Variants in BCAR3 observed in about 807,000 individuals in gnomAD.
The protein encoded by BCAR3 is BCAR3 adaptor protein, NSP family member.
BCAR3 carries 37 observed loss-of-function variants against 80.1 expected under a neutral mutation model. The observed-to-expected ratio is 0.46, with a 90% CI of 0.36 to 0.61. The LOEUF is 0.61. Among genes scored for constraint, BCAR3 ranks in the 20% least tolerant of loss-of-function variants. The probability of loss-of-function intolerance (pLI) is 0.00; values close to 1 mark genes in which losing one functional copy is unlikely to be tolerated. For synonymous variants in BCAR3, 389 were observed against 418.9 expected (o/e 0.93, Z 0.87); for missense variants, 978 against 1,068.2 (o/e 0.92, Z 1.18).
At chr1:93,821,970 T>C (rs1457154539) in intron 2 of BCAR3, among the ~76,000 whole-genome samples, 2 of 152,172 alleles carry the variant, frequency 1.3e-5, no homozygotes, top group African/African-American at 4.8e-5. Flanking sequence ...ACTGAGTCAC[T>C]TGCAAAGGAG....
intron 2 of BCAR3, among the ~76,000 whole-genome samples, chr1:93,645,662 A>G (rs999534267): frequency 1.3e-5 from 2 of 149,298 alleles, no homozygotes; most frequent in African/African-American, 5.0e-5. Context: ...GTGTGTATAT[A>G]TATGTATCCA....
At chr1:93,638,666 C>T (rs1035565404) in intron 3 of BCAR3, among the ~76,000 whole-genome samples, 8 of 152,184 alleles carry the variant, frequency 5.3e-5, no homozygotes, top group Non-Finnish European at 8.8e-5. Context: ...ACCGAAGTCA[C>T]TAGCTACATG....
chr1:93,832,452 C>A (rs544346291), intron 2 of BCAR3, among the ~76,000 whole-genome samples: 69 of 152,312 alleles, frequency 4.5e-4, no homozygotes, highest in South Asian at 6.2e-4. Context: ...CTGGCAGCCA[C>A]TCCTAGAGCT....
intron 11 of BCAR3, among the ~76,000 whole-genome samples, chr1:93,562,709 T>G (rs1000362904): frequency 7.0e-6 from 1 of 142,974 alleles, no homozygotes; most frequent in Non-Finnish European, 1.5e-5. Flanking sequence ...AGGTGGAGCT[T>G]GCAGTGAGCG....
In BCAR3 at chr1:93,799,879, A is replaced by G. The variant is rs377671772; in HGVS notation, c.-63+45688T>C. Among the ~76,000 whole-genome samples, 40 of 152,366 alleles carry G rather than the reference A, an allele frequency of 2.6e-4. 3 individuals are homozygous for G. Among genetic ancestry groups the G allele is most frequent in the Admixed American group, 1.2e-3 (19 of 15,306 alleles). ...GACTGTCAGGACCTACTGGTATGCT[A>G]ATAAACAAAAAGCACTGCATAAATC... On this transcript the variant is annotated intron_variant, in intron 2 of 13. Transcript: ENST00000370244.
chr1:93,575,105 C>T (rs562839240), intron 8 of BCAR3, among the ~76,000 whole-genome samples: 1 of 152,092 alleles, frequency 6.6e-6, no homozygotes, highest in East Asian at 1.9e-4. Context: ...ATCCTTCAAT[C>T]ACATCAGTCA....
At chr1:93,758,772 C>A (rs1651831646) in intron 2 of BCAR3, among the ~76,000 whole-genome samples, 2 of 152,142 alleles carry the variant, frequency 1.3e-5, no homozygotes, top group Non-Finnish European at 1.5e-5. Flanking sequence ...TGTGTTCACC[C>A]CCTGGGTATC....
intron 8 of BCAR3, 102 bp from the exon 9 acceptor site, chr1:93,571,943 C>A: frequency 7.4e-7 from 1 of 1,344,268 alleles, no homozygotes; most frequent in Non-Finnish European, 1.0e-6. Flanking sequence ...CCATTTGCTC[C>A]TTTTGCTCTA....
At chr1:93,831,498 C>T (rs1237138037) in intron 2 of BCAR3, among the ~76,000 whole-genome samples, 3 of 152,108 alleles carry the variant, frequency 2.0e-5, no homozygotes, top group Non-Finnish European at 4.4e-5. Flanking sequence ...TAATTTTTGT[C>T]GAAAAATGGG....
intron 3 of BCAR3, among the ~76,000 whole-genome samples, chr1:93,615,500 G>A (rs538201539): frequency 1.4e-4 from 21 of 152,290 alleles, no homozygotes; most frequent in African/African-American, 5.1e-4. Context: ...CTCTGACTCT[G>A]GAGGTCTGGT....
intron 2 of BCAR3, among the ~76,000 whole-genome samples, chr1:93,844,046 C>T (rs781589657): frequency 2.0e-5 from 3 of 152,166 alleles, no homozygotes; most frequent in Non-Finnish European, 2.9e-5. Flanking sequence ...TGGCCAGGCA[C>T]GGTAGCTCAC....
At chr1:93,836,275 C>A (rs927004625) in intron 2 of BCAR3, among the ~76,000 whole-genome samples, 1 of 152,142 alleles carries the variant, frequency 6.6e-6, no homozygotes, top group Admixed American at 6.5e-5. Flanking sequence ...TTGGATAGAG[C>A]CTAAAAACTT....
chr1:93,623,662 T>C (rs1032522980), intron 3 of BCAR3, among the ~76,000 whole-genome samples: 2 of 152,140 alleles, frequency 1.3e-5, no homozygotes, highest in African/African-American at 4.8e-5. Context: ...TTCCCAGAAG[T>C]AGTCATCAAC....
At chr1:93,796,456 G>A (rs975178453) in intron 2 of BCAR3, among the ~76,000 whole-genome samples, 6 of 148,472 alleles carry the variant, frequency 4.0e-5, no homozygotes, top group Non-Finnish European at 8.8e-5. Flanking sequence ...GACTCGGAAA[G>A]GGAACTCCCT....
rs147932660 is a variant in BCAR3, at chr1:93,592,278, C to T, written c.473G>A (p.Arg158His). The T allele has an allele frequency of 8.6e-5, 139 of 1,613,238 alleles. No homozygotes were observed. The African/African-American group carries it at 1.4e-3, about 16-fold the overall frequency. The change falls in exon 4 of 12, where the codon CGC (arginine) becomes CAC (histidine). Residue 158 changes from arginine to histidine, a missense_variant. Transcript: ENST00000260502. This position sits in a 1 kb window ranked among gnomAD's most constrained non-coding sequence, Gnocchi z 4.8. ...DLRSHAWYHG[R>H]IPRQVSENLV... ...AAGACCAGGTACCTGTCGGGGGATG[C>T]GGCCGTGGTACCAGGCATGGCTGCG... is the stretch of plus-strand genomic sequence containing the variant.
At chr1:93,744,820 A>C (rs1317545093) in intron 2 of BCAR3, among the ~76,000 whole-genome samples, 1 of 152,212 alleles carries the variant, frequency 6.6e-6, no homozygotes, top group Non-Finnish European at 1.5e-5. Flanking sequence ...CCCACGAGGA[A>C]ATCCCCTTAG....
chr1:93,765,181 G>C (rs1267389389), intron 2 of BCAR3, among the ~76,000 whole-genome samples: 1 of 152,166 alleles, frequency 6.6e-6, no homozygotes, highest in African/African-American at 2.4e-5. Context: ...AAAAGTACTT[G>C]CTTTCCCTTT....
intron 2 of BCAR3, among the ~76,000 whole-genome samples, chr1:93,733,420 C>A (rs1650862628): frequency 2.0e-5 from 3 of 152,072 alleles, no homozygotes; most frequent in African/African-American, 7.2e-5. Context: ...GAACAGGAAG[C>A]CGGTGTTCAG....
At chr1:93,808,589 T>C (rs911782468) in intron 2 of BCAR3, among the ~76,000 whole-genome samples, 3 of 152,048 alleles carry the variant, frequency 2.0e-5, no homozygotes, top group African/African-American at 4.8e-5. Flanking sequence ...TGAAGAGAAA[T>C]TGCAATATGG....
Sources: allele counts gnomAD v4.1 joint callset (sites outside exome capture counted in the v4.1 genomes callset), GRCh38; gene constraint gnomAD v4.1.1; non-coding constraint Gnocchi (gnomAD v3.1); transcripts MANE v1.5; gene names NCBI Gene and HGNC (gene_info 2026-07-23, HGNC 2026-07-21).